Variants in PARD3 observed in about 807,000 individuals in gnomAD.
PARD3 encodes the protein par-3 family cell polarity regulator.
In PARD3, 75 loss-of-function variants were observed where a neutral mutation model predicts 155.4. The observed-to-expected ratio is 0.48, with a 90% confidence interval of 0.40 to 0.58. PARD3 has a LOEUF of 0.58. Ranked by LOEUF, PARD3 falls within the 20% of genes least tolerant of loss-of-function variation. The pLI, the probability that PARD3 is intolerant of heterozygous loss-of-function variation, is 0.00. For missense variants in PARD3, 1,642 were observed against 1,721.7 expected (o/e 0.95, Z 0.82); for synonymous variants, 576 against 610.5 (o/e 0.94, Z 0.83).
At chr10:34,647,643 A>C (rs970537815) in intron 2 of PARD3, among the ~76,000 whole-genome samples, 1 of 152,174 alleles carries the variant, frequency 6.6e-6, no homozygotes, top group Non-Finnish European at 1.5e-5. Context: ...CACCACACTT[A>C]ACGTGTAGCT....
At chr10:34,369,287 T>C (rs542975948) in intron 12 of PARD3, among the ~76,000 whole-genome samples, 35 of 151,758 alleles carry the variant, frequency 2.3e-4, no homozygotes, top group Non-Finnish European at 4.3e-4. Context: ...GAAAACATTA[T>C]GAGATTTTTG....
chr10:34,538,394 C>T (rs2083364142), intron 2 of PARD3, among the ~76,000 whole-genome samples: 4 of 152,188 alleles, frequency 2.6e-5, no homozygotes, highest in Admixed American at 2.6e-4. Context: ...GAGATACATT[C>T]GCTGATAAAC....
At chr10:34,231,139 C>CAT (rs1181982959) in intron 22 of PARD3, among the ~76,000 whole-genome samples, 2 of 151,800 alleles carry the variant, frequency 1.3e-5, no homozygotes, top group Non-Finnish European at 2.9e-5. Flanking sequence ...TAGACATCCA[C>CAT]ATATATATAC....
intron 2 of PARD3, among the ~76,000 whole-genome samples, chr10:34,685,454 T>C (rs1383208862): frequency 6.6e-6 from 1 of 152,204 alleles, no homozygotes; most frequent in Non-Finnish European, 1.5e-5. Flanking sequence ...CTGGTCACCA[T>C]GTAACACCCT....
At chr10:34,151,172 A>ATTTTTTTTTTTTTTT (rs33965854) in intron 22 of PARD3, among the ~76,000 whole-genome samples, 1 of 147,494 alleles carries the variant, frequency 6.8e-6, no homozygotes. Context: ...TGTAAGCTTC[A>ATTTTTTTTTTTTTTT]TTTTTTTTTT....
At chr10:34,542,193 GTTGT>G (rs892001396) in intron 2 of PARD3, among the ~76,000 whole-genome samples, 1 of 136,552 alleles carries the variant, frequency 7.3e-6, no homozygotes, top group Non-Finnish European at 1.6e-5. Flanking sequence ...AAGCAGTAAG[GTTGT>G]TTGGGGTGTG....
chr10:34,799,986 AGG>A (rs1842698022), intron 1 of PARD3, among the ~76,000 whole-genome samples: 1 of 151,868 alleles, frequency 6.6e-6, no homozygotes, highest in Admixed American at 6.6e-5. Context: ...TAAATTAACT[AGG>A]CATAGGTGGT....
chr10:34,404,558 C>T (rs1299015542), intron 5 of PARD3, among the ~76,000 whole-genome samples: 2 of 151,766 alleles, frequency 1.3e-5, no homozygotes, highest in Non-Finnish European at 2.9e-5. Context: ...TTAAACTAAA[C>T]TGTGCCAAAG....
At chr10:34,482,884 C>T (rs568797865) in intron 3 of PARD3, among the ~76,000 whole-genome samples, 35 of 152,118 alleles carry the variant, frequency 2.3e-4, no homozygotes, top group African/African-American at 8.4e-4. Context: ...TGCAGTGGCT[C>T]ACGCCTGTAA....
chr10:34,750,710 A>C (rs1835924195), intron 1 of PARD3, among the ~76,000 whole-genome samples: 1 of 124,108 alleles, frequency 8.1e-6, no homozygotes, highest in Non-Finnish European at 1.7e-5. Context: ...TTTTTTTGAG[A>C]TGGAGTCTCA....
chr10:34,404,010 C>T (rs574111346), intron 5 of PARD3, among the ~76,000 whole-genome samples: 11 of 152,200 alleles, frequency 7.2e-5, no homozygotes, highest in African/African-American at 2.2e-4. Context: ...AAATGAAATG[C>T]CCCAAACTAC....
At chr10:34,489,373 A>G (rs1156994801) in intron 3 of PARD3, among the ~76,000 whole-genome samples, 1 of 152,210 alleles carries the variant, frequency 6.6e-6, no homozygotes, top group Non-Finnish European at 1.5e-5. Context: ...GCTAGGAACA[A>G]AAATGAAGTA....
intron 1 of PARD3, among the ~76,000 whole-genome samples, chr10:34,701,603 G>A (rs1027606465): frequency 6.6e-6 from 1 of 152,132 alleles, no homozygotes; most frequent in Non-Finnish European, 1.5e-5. Context: ...CCGGAACAAG[G>A]ATGGGAAGGG....
intron 5 of PARD3, among the ~76,000 whole-genome samples, chr10:34,406,424 T>G (rs1193965937): frequency 6.6e-6 from 1 of 151,998 alleles, no homozygotes; most frequent in South Asian, 2.1e-4. Flanking sequence ...ACGGGAGAAA[T>G]GGCAGTTTAA....
chr10:34,505,017 T>C (rs890310462), intron 3 of PARD3, among the ~76,000 whole-genome samples: 23 of 152,170 alleles, frequency 1.5e-4, no homozygotes, highest in South Asian at 2.1e-4. Flanking sequence ...AAGTACCTGG[T>C]TGGATTGAAA....
At chr10:34,140,463 G>A (rs979965730) in intron 22 of PARD3, among the ~76,000 whole-genome samples, 2 of 152,210 alleles carry the variant, frequency 1.3e-5, no homozygotes, top group East Asian at 3.9e-4. Flanking sequence ...AGTATTAATC[G>A]CTAAATTAAG....
At chr10:34,372,627 G>C (rs10763987) in intron 11 of PARD3, 91 bp from the exon 12 acceptor site, 272,663 of 941,460 alleles carry the variant, frequency 0.29, 43,510 homozygotes, top group East Asian at 0.45. Flanking sequence ...AGAAAATTTT[G>C]TTGATTCTTA....
chr10:34,495,832 A>G (rs2080242070), intron 3 of PARD3, among the ~76,000 whole-genome samples: 1 of 133,796 alleles, frequency 7.5e-6, no homozygotes, highest in African/African-American at 4.1e-5. Context: ...TATCTTTTAA[A>G]AAGAAAAAAA....
intron 22 of PARD3, among the ~76,000 whole-genome samples, chr10:34,207,564 T>G (rs978292069): frequency 6.6e-6 from 1 of 152,194 alleles, no homozygotes; most frequent in African/African-American, 2.4e-5. Flanking sequence ...TTCACTCACT[T>G]CAGGACAAAG....
Sources: allele counts gnomAD v4.1 joint callset (sites outside exome capture counted in the v4.1 genomes callset), GRCh38; gene constraint gnomAD v4.1.1; transcripts MANE v1.5; gene names NCBI Gene and HGNC (gene_info 2026-07-23, HGNC 2026-07-21).